Variants in HTR7 observed in about 807,000 individuals in gnomAD.
HTR7 encodes the protein 5-hydroxytryptamine receptor 7, also known as 5-HT-7.
HTR7 carries 16 observed loss-of-function variants against 34.0 expected under a neutral mutation model. The ratio of observed to expected loss-of-function variants is 0.47; its 90% CI spans 0.32 to 0.71. The LOEUF (loss-of-function observed/expected upper bound fraction) is 0.71, where lower values mean the gene tolerates loss of function less well. Ranked by LOEUF, HTR7 falls within the 30% of genes least tolerant of loss-of-function variation. HTR7 has a pLI of 0.04. For missense variants in HTR7, 504 were observed against 625.5 expected, an observed-to-expected ratio of 0.81 and a Z score of 2.07; for synonymous variants, 265 against 260.2, an observed-to-expected ratio of 1.02 and a Z score of -0.18.
chr10:90,792,566 T>C (rs1469479588), intron 1 of HTR7, among the ~76,000 whole-genome samples: 2 of 152,120 alleles, frequency 1.3e-5, no homozygotes, highest in Non-Finnish European at 2.9e-5. Context: ...AGATTATGGA[T>C]GGTCCCTAAC....
At chr10:90,839,971 A>G (rs1374056257) in intron 1 of HTR7, among the ~76,000 whole-genome samples, 3 of 151,876 alleles carry the variant, frequency 2.0e-5, no homozygotes, top group African/African-American at 7.3e-5. Context: ...CAACTAGATA[A>G]CATGTTAAGG....
intron 1 of HTR7, among the ~76,000 whole-genome samples, chr10:90,776,042 G>A (rs192555160): frequency 1.3e-3 from 198 of 152,156 alleles, no homozygotes; most frequent in African/African-American, 4.6e-3. Context: ...TCTATTTCTT[G>A]CATAAATTCT....
At chr10:90,824,943 G>C (rs1032256573) in intron 1 of HTR7, among the ~76,000 whole-genome samples, 4 of 152,226 alleles carry the variant, frequency 2.6e-5, no homozygotes, top group Non-Finnish European at 5.9e-5. Flanking sequence ...AGGCTGGCTG[G>C]CTTTACCACC....
In HTR7 at chr10:90,857,649, C is replaced by T; in HGVS notation, c.23G>A (p.Gly8Asp). 6.3e-7 allele frequency: 1 copy of T among 1,589,592 alleles called. No homozygotes were observed. The change falls in exon 1 of 4, where the codon GGC (glycine) becomes GAC (aspartate). Residue 8 changes from glycine to aspartate, a missense_variant. Gly to Asp is a moderately conservative substitution (Grantham distance 94). Coordinates refer to ENST00000336152, the MANE Select transcript of HTR7 (RefSeq NM_019859.4). This position sits in a 1 kb window ranked among gnomAD's most constrained non-coding sequence, Gnocchi z 6.5. The stretch of plus-strand genomic sequence containing the variant: ...GAGGTGCCCGTAGAGGTCCGGGCGG[C>T]CGCTGCTGTTAACGTCCATCATCGC... MMDVNSS[G>D]RPDLYGHLRS...
At chr10:90,787,990 T>C (rs1184018455) in intron 1 of HTR7, among the ~76,000 whole-genome samples, 1 of 151,952 alleles carries the variant, frequency 6.6e-6, no homozygotes, top group Admixed American at 6.6e-5. Flanking sequence ...CCCTGTAGGG[T>C]CCGGTTCGTA....
rs1284340030 is a variant in HTR7, at chr10:90,821,304, G to GCCC, written c.539+35828_539+35829insGGG. ...CCCAACCCCCAGCAGCAGCCCCAAA[G>GCCC]CATAGAGAATCCGTGCACTTGGGGG... On this transcript the variant is annotated intron_variant, in intron 1 of 3. Transcript: ENST00000336152. 7.9e-5 allele frequency among the ~76,000 whole-genome samples: 12 copies of GCCC among 152,286 alleles called. No homozygotes were observed. In the East Asian group the frequency reaches 2.1e-3, roughly 27 times the overall value.
intron 1 of HTR7, among the ~76,000 whole-genome samples, chr10:90,797,179 T>A (rs1346624090): frequency 6.6e-6 from 1 of 152,160 alleles, no homozygotes; most frequent in African/African-American, 2.4e-5. Flanking sequence ...GTTTTTTTCA[T>A]TTTTATGTGT....
chr10:90,820,306 A>C (rs1845959205), intron 1 of HTR7, among the ~76,000 whole-genome samples: 1 of 152,116 alleles, frequency 6.6e-6, no homozygotes, highest in Non-Finnish European at 1.5e-5. Flanking sequence ...CTTTTTATTT[A>C]GTTGTTGTTG....
intron 1 of HTR7, among the ~76,000 whole-genome samples, chr10:90,832,944 T>G (rs1188315462): frequency 6.6e-6 from 1 of 152,194 alleles, no homozygotes. Context: ...TCCCACTCCC[T>G]CTGATATCCT....
chr10:90,808,463 G>GT (rs1845739169), intron 1 of HTR7, among the ~76,000 whole-genome samples: 1 of 152,108 alleles, frequency 6.6e-6, no homozygotes, highest in African/African-American at 2.4e-5. Context: ...CCCCAACCTT[G>GT]TATCTCTGCG....
At chr10:90,854,947 T>C (rs1846556205) in intron 1 of HTR7, among the ~76,000 whole-genome samples, 1 of 152,258 alleles carries the variant, frequency 6.6e-6, no homozygotes, top group Admixed American at 6.5e-5. Context: ...TTTAATATCA[T>C]CTGTCATATT....
Position 90,857,684 on chromosome 10 carries a change from T to C in HTR7, c.-13A>G. 1 of 1,526,730 alleles carries C rather than the reference T, an allele frequency of 6.5e-7. No individual in the cohort carries two copies. The highest frequency in any genetic ancestry group is 8.7e-7 in the Non-Finnish European group (1 of 1,148,992). 94.6% of individuals were successfully genotyped at this position (1,526,730 alleles called of 1,614,324 possible). On this transcript the variant is annotated 5_prime_UTR_variant, in exon 1 of 4. Transcript: ENST00000336152. This position sits in a 1 kb window ranked among gnomAD's most constrained non-coding sequence, Gnocchi z 6.5. ...TAACGTCCATCATCGCGCCGCCGTG[T>C]GCCGCTGCCCATGGAGCCGGCGCCC...
chr10:90,818,492 G>A (rs1358339340), intron 1 of HTR7, among the ~76,000 whole-genome samples: 1 of 152,044 alleles, frequency 6.6e-6, no homozygotes, highest in Non-Finnish European at 1.5e-5. Flanking sequence ...GTTGCAGTGA[G>A]CCGAGATCGC....
At chr10:90,795,688 C>T (rs1264646683) in intron 1 of HTR7, among the ~76,000 whole-genome samples, 2 of 152,184 alleles carry the variant, frequency 1.3e-5, no homozygotes, top group African/African-American at 4.8e-5. Context: ...ATCCATGACA[C>T]AGCCTCAGGA....
intron 1 of HTR7, among the ~76,000 whole-genome samples, chr10:90,819,071 A>G (rs1360107357): frequency 1.3e-5 from 2 of 152,122 alleles, no homozygotes; most frequent in African/African-American, 2.4e-5. Flanking sequence ...TTTATAAATT[A>G]CCCAGCCTCA....
At position 90,749,291 on chromosome 10, in the gene HTR7, C is replaced by T. The variant is rs1340282876; in HGVS notation, c.843G>A (p.Val281=). 1 of 1,614,158 alleles carries T rather than the reference C, an allele frequency of 6.2e-7. No individual in the cohort carries two copies. The highest frequency in any genetic ancestry group is 2.2e-5 in the East Asian group (1 of 44,880). Residue 281 remains valine (V), a synonymous_variant, in exon 2 of 4, where the codon GTG becomes GTA. Transcript: ENST00000336152. This position sits in a 1 kb window ranked among gnomAD's most constrained non-coding sequence, Gnocchi z 4.2. ...AKHKFPGFPR[V]EPDSVIALNG... ...TCAGGGCGATGACGCTGTCTGGCTCCACTCGAGGGAAGCCAGGAAACTTGT... is the reference window on the plus strand; with the variant it reads ...TCAGGGCGATGACGCTGTCTGGCTCTACTCGAGGGAAGCCAGGAAACTTGT...
intron 1 of HTR7, among the ~76,000 whole-genome samples, chr10:90,788,758 T>C (rs1299839063): frequency 6.6e-6 from 1 of 152,214 alleles, no homozygotes; most frequent in Non-Finnish European, 1.5e-5. Context: ...TTATTTCAGT[T>C]AGTCATGTTT....
chr10:90,775,756 A>G (rs1486006017), intron 1 of HTR7, among the ~76,000 whole-genome samples: 1 of 152,168 alleles, frequency 6.6e-6, no homozygotes, highest in East Asian at 1.9e-4. Flanking sequence ...AGCTTTTCTC[A>G]GTTCAATTTT....
chr10:90,773,116 T>G (rs1215206289), intron 1 of HTR7, among the ~76,000 whole-genome samples: 1 of 152,200 alleles, frequency 6.6e-6, no homozygotes, highest in African/African-American at 2.4e-5. Context: ...TGGGAAAAAC[T>G]CAGAAACCCT....
Sources: allele counts gnomAD v4.1 joint callset (sites outside exome capture counted in the v4.1 genomes callset), GRCh38; gene constraint gnomAD v4.1.1; non-coding constraint Gnocchi (gnomAD v3.1); transcripts MANE v1.5; gene names NCBI Gene and HGNC (gene_info 2026-07-23, HGNC 2026-07-21).